Variants in NFAT5 observed in about 807,000 individuals in gnomAD.
NFAT5 encodes the protein nuclear factor of activated T cells 5.
In NFAT5, 31 loss-of-function variants were observed where a neutral mutation model predicts 166.5. The ratio of observed to expected loss-of-function variants is 0.19; its 90% CI spans 0.14 to 0.25. The LOEUF is 0.25. NFAT5 is among the 10% of genes least tolerant of loss of function. The probability of loss-of-function intolerance (pLI) is 1.00; values close to 1 mark genes in which losing one functional copy is unlikely to be tolerated. For synonymous variants in NFAT5, 612 were observed against 639.7 expected, an observed-to-expected ratio of 0.96 and a Z score of 0.65; for missense variants, 1,449 against 1,821.8, an observed-to-expected ratio of 0.80 and a Z score of 3.72.
intron 3 of NFAT5, among the ~76,000 whole-genome samples, chr16:69,645,434 A>G (rs2035396804): frequency 6.6e-6 from 1 of 152,212 alleles, no homozygotes. Context: ...TATATAGATC[A>G]TATTCTTGAT....
At chr16:69,580,877 G>A (rs1011582583) in intron 2 of NFAT5, among the ~76,000 whole-genome samples, 1 of 151,980 alleles carries the variant, frequency 6.6e-6, no homozygotes, top group Non-Finnish European at 1.5e-5. Context: ...GGATGGTCTC[G>A]ATCTCCTGAA....
rs568106464 is a variant in NFAT5, at chr16:69,615,330, C to G, written c.128-11073C>G. Among the ~76,000 whole-genome samples the G allele has an allele frequency of 1.6e-4, 25 of 152,260 alleles. 1 individual carries two copies. The South Asian group carries it at 1.9e-3, about 11-fold the overall frequency. On this transcript the variant is annotated intron_variant, in intron 2 of 14. Transcript: ENST00000349945. ...TGCTGGAATTACAGGCATGAGCCAC[C>G]GCACCCAACCCATGCTGTCTTTTGT...
intron 3 of NFAT5, chr16:69,644,712 G>A (rs940848839): frequency 1.4e-5 from 5 of 350,102 alleles, no homozygotes; most frequent in East Asian, 1.6e-4. Flanking sequence ...AGGTTATATC[G>A]TGCATATTAA....
At chr16:69,590,781 T>C (rs568786250) in intron 2 of NFAT5, among the ~76,000 whole-genome samples, 1 of 152,316 alleles carries the variant, frequency 6.6e-6, no homozygotes, top group African/African-American at 2.4e-5. Context: ...GTCATGGGAT[T>C]CCCCGCCCCA....
At chr16:69,659,166 G>T (rs1342430180) in intron 6 of NFAT5, among the ~76,000 whole-genome samples, 1 of 150,826 alleles carries the variant, frequency 6.6e-6, no homozygotes, top group African/African-American at 2.4e-5. Flanking sequence ...CTCTGGCCAG[G>T]TATGGTTGCT....
chr16:69,680,705 A>G (rs1318969637), intron 10 of NFAT5, among the ~76,000 whole-genome samples: 1 of 152,084 alleles, frequency 6.6e-6, no homozygotes, highest in Non-Finnish European at 1.5e-5. Flanking sequence ...TTCTGCCTCT[A>G]TGATACAGCT....
intron 2 of NFAT5, among the ~76,000 whole-genome samples, chr16:69,569,697 G>A (rs1443745924): frequency 1.3e-5 from 2 of 152,074 alleles, no homozygotes; most frequent in African/African-American, 2.4e-5. Flanking sequence ...CTAGCATAGC[G>A]TCTAGCTTAA....
At chr16:69,610,174 A>T (rs2033642116) in intron 2 of NFAT5, among the ~76,000 whole-genome samples, 1 of 152,194 alleles carries the variant, frequency 6.6e-6, no homozygotes, top group Non-Finnish European at 1.5e-5. Flanking sequence ...GATTTTTGTT[A>T]ATCAGAAAAT....
intron 7 of NFAT5, among the ~76,000 whole-genome samples, chr16:69,663,607 C>T (rs952134754): frequency 6.7e-5 from 10 of 148,400 alleles, no homozygotes; most frequent in Non-Finnish European, 1.3e-4. Flanking sequence ...CAGTTGTACA[C>T]GCCTGTAATA....
intron 5 of NFAT5, among the ~76,000 whole-genome samples, chr16:69,654,162 T>C (rs2035789018): frequency 6.6e-6 from 1 of 152,006 alleles, no homozygotes; most frequent in South Asian, 2.1e-4. Flanking sequence ...CTCAAAAAAA[T>C]GGGGGAATGG....
chr16:69,661,569 G>GAAAAAAAAAAAAAAAAAAAAAAAAAAAAA (rs1187473064), intron 7 of NFAT5, among the ~76,000 whole-genome samples: 1 of 92,054 alleles, frequency 1.1e-5, no homozygotes, highest in African/African-American at 4.2e-5. Flanking sequence ...AAAAAAAAAG[G>GAAAAAAAAAAAAAAAAAAAAAAAAAAAAA]AAATTGTTCA....
Position 69,698,446 on chromosome 16 carries a change from G to A in NFAT5, c.*2095G>A, listed in dbSNP as rs1435984251. On this transcript the variant is annotated 3_prime_UTR_variant, in exon 15 of 15. Transcript: ENST00000349945. ...TGCCACACATTTTTGTGGTAAATTT[G>A]TGAGTTTGTCTGATGTTCTACCACA... 6.6e-6 allele frequency: 1 copy of A among 151,876 alleles called. No homozygotes were observed. The highest frequency in any genetic ancestry group is 6.6e-5 in the Admixed American group (1 of 15,178). 9.4% of individuals were successfully genotyped at this position (151,876 alleles called of 1,614,324 possible).
At chr16:69,601,280 T>C (rs1270097309) in intron 2 of NFAT5, among the ~76,000 whole-genome samples, 1 of 152,236 alleles carries the variant, frequency 6.6e-6, no homozygotes, top group Non-Finnish European at 1.5e-5. Flanking sequence ...CATTTCTGCA[T>C]AAGAGGGATT....
At chr16:69,667,006 G>C (rs1430923852) in intron 7 of NFAT5, among the ~76,000 whole-genome samples, 2 of 151,750 alleles carry the variant, frequency 1.3e-5, no homozygotes, top group Admixed American at 6.6e-5. Flanking sequence ...AAAATGATGA[G>C]TTCATGTCCT....
Position 69,687,965 on chromosome 16 carries a change from C to A in NFAT5, c.1775-2975C>A, listed in dbSNP as rs1283841827. Among the ~76,000 whole-genome samples, 3 of 151,314 alleles carry A rather than the reference C, an allele frequency of 2.0e-5. No individual in the cohort carries two copies. In the East Asian group the frequency reaches 5.8e-4, roughly 29 times the overall value. The stretch of plus-strand genomic sequence containing the variant: ...ATCCCAGCACTTTGGGAGGCCGAGG[C>A]GGGTGGATCATGAGGTCAGGAGATC... On this transcript the variant is annotated intron_variant, in intron 11 of 14. Transcript: ENST00000349945.
At chr16:69,658,106 AAAAT>A (rs967080990) in intron 6 of NFAT5, among the ~76,000 whole-genome samples, 4 of 151,624 alleles carry the variant, frequency 2.6e-5, no homozygotes, top group African/African-American at 9.6e-5. Flanking sequence ...TAAATAAAGT[AAAAT>A]AAATAAATAA....
chr16:69,615,967 G>T (rs1389254469), intron 2 of NFAT5, among the ~76,000 whole-genome samples: 1 of 151,986 alleles, frequency 6.6e-6, no homozygotes, highest in Non-Finnish European at 1.5e-5. Flanking sequence ...CCCACTTTGG[G>T]CAGCCCTACT....
intron 2 of NFAT5, among the ~76,000 whole-genome samples, chr16:69,584,752 A>G (rs1597355135): frequency 6.6e-6 from 1 of 152,020 alleles, no homozygotes; most frequent in South Asian, 2.1e-4. Flanking sequence ...GTACCACTGC[A>G]CTCCAGTCTG....
chr16:69,568,702 T>C (rs1391656430), intron 2 of NFAT5, among the ~76,000 whole-genome samples, 154 bp downstream of exon 2: 1 of 152,208 alleles, frequency 6.6e-6, no homozygotes, highest in Non-Finnish European at 1.5e-5. Context: ...GCTGAATGTT[T>C]CAATGGGTTT....
Sources: allele counts gnomAD v4.1 joint callset (sites outside exome capture counted in the v4.1 genomes callset), GRCh38; gene constraint gnomAD v4.1.1; transcripts MANE v1.5; gene names NCBI Gene and HGNC (gene_info 2026-07-23, HGNC 2026-07-21).